The following NOL4 variants were observed in gnomAD, a reference collection of about 807,000 sequenced individuals.
NOL4 encodes cancer/testis antigen 125.
In NOL4, 17 loss-of-function variants were observed where a neutral mutation model predicts 75.9. The ratio of observed to expected loss-of-function variants is 0.22; its 90% confidence interval spans 0.15 to 0.34. The LOEUF (loss-of-function observed/expected upper bound fraction) is 0.34. Ranked by LOEUF, NOL4 falls within the 10% of genes least tolerant of loss-of-function variation. NOL4 has a pLI of 1.00. For synonymous variants in NOL4, 292 were observed against 289.9 expected, an observed-to-expected ratio of 1.01 and a Z score of -0.07; for missense variants, 614 against 793.5, an observed-to-expected ratio of 0.77 and a Z score of 2.72.
rs113939972 is a variant in NOL4, at chr18:33,877,826, T to TTGTG, written c.1723+5414_1723+5417dup. 5.8e-3 allele frequency among the ~76,000 whole-genome samples: 860 copies of TTGTG among 148,226 alleles called. 15 individuals are homozygous for TTGTG. The highest frequency in any genetic ancestry group is 0.02 in the African/African-American group (789 of 40,342). Reference sequence around the variant, plus strand: ...AGGAATAGGTACCAATGTTGTGTGATTGTGTGTGTGTGTGTGTGTGTGTGT... The same window carrying TTGTG: ...AGGAATAGGTACCAATGTTGTGTGATTGTGTGTGTGTGTGTGTGTGTGTGTGTGT... On this transcript the variant is annotated intron_variant, in intron 10 of 10. Transcript: ENST00000261592.
At chr18:33,913,964 T>C (rs1224377006) in intron 9 of NOL4, among the ~76,000 whole-genome samples, 1 of 151,958 alleles carries the variant, frequency 6.6e-6, no homozygotes, top group African/African-American at 2.4e-5. Flanking sequence ...ACTGTGTGCT[T>C]GGTAATGACC....
chr18:34,082,656 CAG>C (rs2078064588), intron 5 of NOL4, among the ~76,000 whole-genome samples: 1 of 152,138 alleles, frequency 6.6e-6, no homozygotes, highest in Non-Finnish European at 1.5e-5. Context: ...CATGTCCTCA[CAG>C]AGACCACTTT....
intron 5 of NOL4, among the ~76,000 whole-genome samples, chr18:34,049,074 G>GCACACACA (rs1163959249): frequency 7.7e-5 from 5 of 64,710 alleles, no homozygotes; most frequent in African/African-American, 9.9e-5. Context: ...ACAGGCGCGC[G>GCACACACA]CACACACACA....
chr18:34,096,599 C>A (rs975631879), intron 4 of NOL4, among the ~76,000 whole-genome samples: 1 of 152,080 alleles, frequency 6.6e-6, no homozygotes, highest in African/African-American at 2.4e-5. Flanking sequence ...CTAGACCATT[C>A]ATCTAATTCC....
intron 5 of NOL4, among the ~76,000 whole-genome samples, chr18:34,036,471 AG>A (rs774673381): frequency 1.4e-4 from 21 of 152,192 alleles, no homozygotes; most frequent in Non-Finnish European, 2.4e-4. Context: ...ACACAATAAA[AG>A]CTGTATACAA....
Position 33,978,127 on chromosome 18 carries a change from T to C in NOL4, c.1057-19709A>G, listed in dbSNP as rs776114289. Reference sequence around the variant, plus strand: ...AAGAGAATATTGGGTTGGTGACCAGTTGGCCGCTATCTGCCAAACTGGTCT... The same window carrying C: ...AAGAGAATATTGGGTTGGTGACCAGCTGGCCGCTATCTGCCAAACTGGTCT... On this transcript the variant is annotated intron_variant, in intron 6 of 10. Coordinates refer to ENST00000261592, the MANE Select transcript of NOL4 (RefSeq NM_003787.5). Among the ~76,000 whole-genome samples, 2 of 152,296 alleles carry C rather than the reference T, an allele frequency of 1.3e-5. 1 individual carries two copies. Among genetic ancestry groups the C allele is most frequent in the Middle Eastern group, 6.8e-3 (2 of 294 alleles).
chr18:33,911,766 T>A (rs1172010111), intron 9 of NOL4, among the ~76,000 whole-genome samples: 1 of 152,150 alleles, frequency 6.6e-6, no homozygotes, highest in Non-Finnish European at 1.5e-5. Flanking sequence ...GAGGATATAA[T>A]CAGACTGTCT....
intron 4 of NOL4, among the ~76,000 whole-genome samples, chr18:34,099,703 A>C (rs1391413032): frequency 2.0e-5 from 3 of 150,964 alleles, no homozygotes; most frequent in Non-Finnish European, 4.4e-5. Context: ...TTTTGCATTG[A>C]CCTCCCCTGC....
intron 6 of NOL4, among the ~76,000 whole-genome samples, chr18:33,974,445 T>A (rs769001541): frequency 6.6e-6 from 1 of 152,204 alleles, no homozygotes; most frequent in Non-Finnish European, 1.5e-5. Flanking sequence ...ACTTTTAATT[T>A]TCTTCAGAAG....
At chr18:33,930,183 G>A (rs1222063188) in intron 9 of NOL4, among the ~76,000 whole-genome samples, 1 of 152,024 alleles carries the variant, frequency 6.6e-6, no homozygotes, top group East Asian at 1.9e-4. Flanking sequence ...ATATCTATCT[G>A]TAAAACATTT....
intron 9 of NOL4, among the ~76,000 whole-genome samples, chr18:33,922,561 C>A (rs1276747910): frequency 6.6e-6 from 1 of 152,122 alleles, no homozygotes; most frequent in African/African-American, 2.4e-5. Context: ...ATTACAGAGA[C>A]CTTTAGTCAG....
intron 6 of NOL4, among the ~76,000 whole-genome samples, chr18:34,004,961 C>A (rs1183608074): frequency 3.3e-5 from 5 of 151,968 alleles, no homozygotes; most frequent in African/African-American, 1.2e-4. Context: ...ATGCTTTTTC[C>A]ATTTCTGCAC....
At chr18:33,980,176 CA>C (rs925931734) in intron 6 of NOL4, among the ~76,000 whole-genome samples, 2 of 151,974 alleles carry the variant, frequency 1.3e-5, no homozygotes, top group African/African-American at 4.8e-5. Flanking sequence ...GAGAGAATCA[CA>C]ACTCACTAAA....
intron 5 of NOL4, among the ~76,000 whole-genome samples, chr18:34,084,066 C>T (rs539955234): frequency 1.3e-5 from 2 of 152,306 alleles, no homozygotes; most frequent in Admixed American, 1.3e-4. Context: ...CCCAGAGGGG[C>T]ACTGACCTGA....
At position 34,217,188 on chromosome 18, in the gene NOL4, A is replaced by AT. The variant is rs932140573; in HGVS notation, c.264+5801dup. Among the ~76,000 whole-genome samples, 371 of 152,184 alleles carry AT rather than the reference A, an allele frequency of 2.4e-3. 3 individuals carry two copies. Among genetic ancestry groups the AT allele is most frequent in the African/African-American group, 8.3e-3 (344 of 41,528 alleles). On this transcript the variant is annotated intron_variant, in intron 1 of 10. Transcript: ENST00000261592. ...CAGTATCACTTTTACAATAACAGTC[A>AT]TTTTTTCTTCCAAAAATGGAGTAGG... is the stretch of plus-strand genomic sequence containing the variant.
At chr18:34,185,693 C>T (rs755716202) in intron 1 of NOL4, among the ~76,000 whole-genome samples, 1 of 152,148 alleles carries the variant, frequency 6.6e-6, no homozygotes, top group Non-Finnish European at 1.5e-5. Flanking sequence ...AGTTATTCTG[C>T]ACTTTCTTTC....
chr18:34,145,353 C>T (rs2081353577), intron 1 of NOL4, among the ~76,000 whole-genome samples: 1 of 151,784 alleles, frequency 6.6e-6, no homozygotes, highest in Non-Finnish European at 1.5e-5. Flanking sequence ...TATAAAGTAG[C>T]TCATGTAATT....
intron 1 of NOL4, among the ~76,000 whole-genome samples, chr18:34,134,971 T>G (rs536464791): frequency 1.3e-5 from 2 of 151,732 alleles, no homozygotes; most frequent in South Asian, 4.2e-4. Flanking sequence ...ATAAGAAAAA[T>G]TTCAAATCAG....
chr18:34,183,376 A>C (rs1412353443), intron 1 of NOL4: 1 of 151,852 alleles, frequency 6.6e-6, no homozygotes, highest in Non-Finnish European at 1.5e-5. Flanking sequence ...AGGATTAAAA[A>C]CTCTGACAAT....
Sources: allele counts gnomAD v4.1 joint callset (sites outside exome capture counted in the v4.1 genomes callset), GRCh38; gene constraint gnomAD v4.1.1; transcripts MANE v1.5; gene names NCBI Gene and HGNC (gene_info 2026-07-23, HGNC 2026-07-21).